ANK1: variants seen among roughly 807,000 people sequenced by gnomAD.
The protein encoded by ANK1 is ankyrin 1.
A neutral mutation model predicts 210.4 loss-of-function variants in ANK1; 51 were observed. The ratio of observed to expected loss-of-function variants is 0.24; its 90% CI spans 0.19 to 0.31. ANK1 has a LOEUF of 0.31. Ranked by LOEUF, ANK1 falls within the 10% of genes least tolerant of loss-of-function variation. The pLI, the probability that ANK1 is intolerant of heterozygous loss-of-function variation, is 1.00. For missense variants in ANK1, 2,051 were observed against 2,504.4 expected (o/e 0.82, Z 3.86); for synonymous variants, 967 against 1,025.9 (o/e 0.94, Z 1.10).
At chr8:41,868,937 A>G (rs1203296350) in intron 1 of ANK1, among the ~76,000 whole-genome samples, 2 of 152,232 alleles carry the variant, frequency 1.3e-5, no homozygotes, top group African/African-American at 4.8e-5. Context: ...GCGAACACCC[A>G]GGGTTCCAGC....
Position 41,690,300 on chromosome 8 carries a change from C to T in ANK1, c.4031G>A (p.Arg1344His), listed in dbSNP as rs151337470. 61 of 1,614,100 alleles carry T rather than the reference C, an allele frequency of 3.8e-5. No homozygotes were observed. Among genetic ancestry groups the T allele is most frequent in the South Asian group, 9.9e-5 (9 of 91,088 alleles). The change falls in exon 33 of 43, where the codon CGC becomes CAC. Residue 1344 changes from arginine (R) to histidine (H), a missense_variant. This residue lies in a region of ANK1 where 1,413 missense variants were observed against 1,707.4 expected (regional missense o/e 0.83). Transcript: ENST00000289734. ...GGTGTCCTCGTACTTCATCGCCTTG[C>T]GCAGAAACGACAGGGACCCTCCCGG... is the stretch of plus-strand genomic sequence containing the variant. Reference protein sequence around the residue: ...REPGGSLSFLRKAMKYEDTQH... With the variant: ...REPGGSLSFLHKAMKYEDTQH...
intron 1 of ANK1, among the ~76,000 whole-genome samples, chr8:41,762,611 A>T (rs907894949): frequency 2.0e-5 from 3 of 152,220 alleles, no homozygotes; most frequent in Non-Finnish European, 4.4e-5. Context: ...AGAAATGAAG[A>T]TCAAGCTGTT....
At chr8:41,688,002 G>A (rs1818168991) in intron 35 of ANK1, among the ~76,000 whole-genome samples, 154 bp downstream of exon 35, 1 of 152,220 alleles carries the variant, frequency 6.6e-6, no homozygotes, top group South Asian at 2.1e-4. Flanking sequence ...CCAATGGTGT[G>A]GCTTGGGCAG....
At chr8:41,748,792 T>C (rs1563653522) in intron 2 of ANK1, among the ~76,000 whole-genome samples, 1 of 152,136 alleles carries the variant, frequency 6.6e-6, no homozygotes, top group Non-Finnish European at 1.5e-5. Flanking sequence ...TCCCAGCACT[T>C]TGGGAGGCTA....
rs150121116 is a variant in ANK1, at chr8:41,777,818, A to C, written c.28-19681T>G. ...TGAATAAAGGGATGTCAAGCATTAG[A>C]GAAAGAATGAAAAATGCACAGTGAA... On this transcript the variant is annotated intron_variant, in intron 1 of 42. Transcript: ENST00000289734. 9.2e-5 allele frequency among the ~76,000 whole-genome samples: 14 copies of C among 152,300 alleles called. No homozygotes were observed. The East Asian group carries it at 2.7e-3, about 29-fold the overall frequency.
chr8:41,742,385 A>G (rs1025452007), intron 2 of ANK1, among the ~76,000 whole-genome samples: 1 of 152,192 alleles, frequency 6.6e-6, no homozygotes, highest in Admixed American at 6.5e-5. Context: ...GAATGCCTAC[A>G]TTCCCATGAG....
At chr8:41,763,213 CAA>C (rs56021151) in intron 1 of ANK1, among the ~76,000 whole-genome samples, 5 of 130,424 alleles carry the variant, frequency 3.8e-5, no homozygotes, top group Non-Finnish European at 3.2e-5. Context: ...GACTCTGTCT[CAA>C]AAAAAAAAAA....
At chr8:41,679,443 T>C (rs1815213339) in intron 37 of ANK1, among the ~76,000 whole-genome samples, 1 of 152,130 alleles carries the variant, frequency 6.6e-6, no homozygotes, top group Admixed American at 6.5e-5. Flanking sequence ...TGGGAATAGC[T>C]GGCTAATACT....
rs1485606618 is a variant in ANK1 at position 41,822,144 on chromosome 8, AAGAAAGAAAGAAAGAAAG to A, written c.127-64025_127-64008del. ...AAAGAGAAAGAAAGAGAAAGAAAGAAAGAAAGAAAGAAAGAAAGAAAGAAAGAAAGAAAGAAAGAAAGA... is the reference window on the plus strand; with the variant it reads ...AAAGAGAAAGAAAGAGAAAGAAAGAAAAAGAAAGAAAGAAAGAAAGAAAGA... On this transcript the variant is annotated intron_variant, in intron 1 of 42. Coordinates refer to the ANK1 transcript ENST00000265709. Among the ~76,000 whole-genome samples, 708 of 135,406 alleles carry A rather than the reference AAGAAAGAAAGAAAGAAAG, an allele frequency of 5.2e-3. 4 individuals are homozygous for A. The highest frequency in any genetic ancestry group is 0.015 in the Middle Eastern group (4 of 274). 88.8% of individuals were successfully genotyped at this position (135,406 alleles called of 152,430 possible). A position where few individuals can be genotyped will look rare whatever the true frequency, so the allele number is the denominator to read the frequency against.
chr8:41,807,234 T>C (rs1006755006), intron 1 of ANK1, among the ~76,000 whole-genome samples: 6 of 152,184 alleles, frequency 3.9e-5, no homozygotes, highest in African/African-American at 1.4e-4. Flanking sequence ...GCAGGCACTG[T>C]GGTAACCCCC....
At chr8:41,872,581 C>A (rs769537039) in intron 1 of ANK1, among the ~76,000 whole-genome samples, 55 of 152,236 alleles carry the variant, frequency 3.6e-4, no homozygotes, top group Admixed American at 5.2e-4. Flanking sequence ...ATGTCAGAGG[C>A]CTTGGAGCCG....
rs1804041565 is a variant in ANK1 at position 41,820,350 on chromosome 8, TG to T, written c.127-62214del. 3.4e-5 allele frequency among the ~76,000 whole-genome samples: 2 copies of T among 59,260 alleles called. 1 individual carries two copies. Among genetic ancestry groups the T allele is most frequent in the Admixed American group, 2.8e-4 (2 of 7,152 alleles). The allele number at this position is 59,260 out of a possible 152,430, so 38.9% of individuals were successfully genotyped here. On this transcript the variant is annotated intron_variant, in intron 1 of 42. Coordinates refer to the ANK1 transcript ENST00000265709. The stretch of plus-strand genomic sequence containing the variant: ...AAATGTGTGTGTGTGTGTGTGTGTG[TG>T]TGTGTGTGTGTGTGTGTGTGTGTGT...
At chr8:41,741,773 C>T (rs988285213) in intron 2 of ANK1, among the ~76,000 whole-genome samples, 4 of 152,162 alleles carry the variant, frequency 2.6e-5, no homozygotes, top group Non-Finnish European at 4.4e-5. Flanking sequence ...TGTAAATTAT[C>T]GAGCTTTTTG....
chr8:41,784,833 G>A (rs1846026880), intron 1 of ANK1, among the ~76,000 whole-genome samples: 1 of 152,212 alleles, frequency 6.6e-6, no homozygotes, highest in Non-Finnish European at 1.5e-5. Context: ...CCTGTACATA[G>A]TGGAACAAAT....
chr8:41,822,132 G>C (rs5012800), intron 1 of ANK1, among the ~76,000 whole-genome samples: 1 of 40,996 alleles, frequency 2.4e-5, no homozygotes. Flanking sequence ...GAGAAAGAAA[G>C]AGAAAGAAAG....
In ANK1 at chr8:41,688,608, T is replaced by A; in HGVS notation, c.4105-19A>T. 6.2e-7 allele frequency: 1 copy of A among 1,612,486 alleles called. No homozygotes were observed. The highest frequency in any genetic ancestry group is 1.3e-5 in the African/African-American group (1 of 74,896). On this transcript the variant is annotated intron_variant, in intron 33 of 42. Transcript: ENST00000289734. Reference sequence around the variant, plus strand: ...CACTTCCCTGCAGAAGAAGAAAGGGTGCTTTGGGTTTTGGACTCTCCCCAC... The same window carrying A: ...CACTTCCCTGCAGAAGAAGAAAGGGAGCTTTGGGTTTTGGACTCTCCCCAC...
intron 1 of ANK1, among the ~76,000 whole-genome samples, chr8:41,878,097 C>A (rs1486405181): frequency 6.6e-6 from 1 of 152,232 alleles, no homozygotes; most frequent in Non-Finnish European, 1.5e-5. Flanking sequence ...CGGTACCAGA[C>A]ACCCACTCTT....
At chr8:41,725,969 T>G in intron 5 of ANK1, 23 bp from the exon 6 acceptor site, 2 of 1,610,420 alleles carry the variant, frequency 1.2e-6, no homozygotes, top group Non-Finnish European at 1.7e-6. Context: ...GGAAAATGCT[T>G]TGCTCTGACT....
chr8:41,761,133 AC>A (rs1840307766), intron 1 of ANK1, among the ~76,000 whole-genome samples: 2 of 150,670 alleles, frequency 1.3e-5, no homozygotes, highest in Non-Finnish European at 2.9e-5. Context: ...GCACACACAC[AC>A]ACACACACAT....
Sources: gnomAD v4.1 joint callset for allele counts (sites outside exome capture counted in the v4.1 genomes callset) on GRCh38, gnomAD v4.1.1 for gene constraint, gnomAD v4.1.1 regional missense constraint, MANE v1.5 for transcripts, NCBI Gene and HGNC (gene_info 2026-07-23, HGNC 2026-07-21) for gene names.